PAX5: variants seen among roughly 807,000 people sequenced by gnomAD.
PAX5 encodes the protein paired box protein Pax-5.
A neutral mutation model predicts 43.7 loss-of-function variants in PAX5; 9 were observed. The ratio of observed to expected loss-of-function variants is 0.21; its 90% CI spans 0.12 to 0.36. PAX5 has a LOEUF of 0.36. Among genes scored for constraint, PAX5 ranks in the 10% least tolerant of loss-of-function variants. The pLI is 1.00. For synonymous variants in PAX5, 228 were observed against 214.3 expected (o/e 1.06, Z -0.56); for missense variants, 383 against 532.7 (o/e 0.72, Z 2.77).
At chr9:37,031,865 TGAAGG>T in intron 1 of PAX5, among the ~76,000 whole-genome samples, 1 of 152,292 alleles carries the variant, frequency 6.6e-6, no homozygotes, top group East Asian at 1.9e-4. Context: ...AATATGGTTC[TGAAGG>T]AAGAAAAAGG....
intron 6 of PAX5, among the ~76,000 whole-genome samples, chr9:36,941,396 G>A (rs1832033676): frequency 6.6e-6 from 1 of 152,224 alleles, no homozygotes; most frequent in African/African-American, 2.4e-5. Flanking sequence ...CCAAATACAA[G>A]CTCTGCCTCT....
chr9:36,928,568 T>G (rs796521464), intron 6 of PAX5, among the ~76,000 whole-genome samples: 1 of 152,156 alleles, frequency 6.6e-6, no homozygotes, highest in East Asian at 1.9e-4. Context: ...AATGAATGAA[T>G]GAATAATGGT....
chr9:37,012,766 G>A (rs76753872), intron 3 of PAX5, among the ~76,000 whole-genome samples: 4,048 of 152,216 alleles, frequency 0.027, 54 homozygotes, highest in Middle Eastern at 0.044. Context: ...GTGTTGAGGG[G>A]GAGTTCACAA....
intron 6 of PAX5, among the ~76,000 whole-genome samples, chr9:36,944,661 C>G (rs1266502112): frequency 6.6e-6 from 1 of 152,122 alleles, no homozygotes; most frequent in African/African-American, 2.4e-5. Flanking sequence ...CAAAACCCCC[C>G]TAAAGAGCAA....
chr9:36,952,258 G>C (rs1165024304), intron 6 of PAX5, among the ~76,000 whole-genome samples: 1 of 7,354 alleles, frequency 1.4e-4, no homozygotes, highest in Non-Finnish European at 3.4e-4. Context: ...TTTTTTTTTT[G>C]AGACAGAGTC....
At chr9:36,864,834 C>T (rs1824693352) in intron 8 of PAX5, among the ~76,000 whole-genome samples, 1 of 152,154 alleles carries the variant, frequency 6.6e-6, no homozygotes, top group Admixed American at 6.5e-5. Flanking sequence ...GGGCCGGCGC[C>T]GGAGCCGGGC....
Position 36,966,922 on chromosome 9 carries a change from C to G in PAX5, c.605-198G>C, listed in dbSNP as rs142146224. Among the ~76,000 whole-genome samples, 266 of 152,318 alleles carry G rather than the reference C, an allele frequency of 1.7e-3. 1 individual carries two copies. The highest frequency in any genetic ancestry group is 5.9e-3 in the African/African-American group (246 of 41,568). The stretch of plus-strand genomic sequence containing the variant: ...TAAGTTCAGAGTCAGCCTCCCGCAG[C>G]CATGTGCCAGGGACTGTGCAAAGCC... On this transcript the variant is annotated intron_variant, in intron 5 of 9. Coordinates refer to ENST00000358127, the MANE Select transcript of PAX5 (RefSeq NM_016734.3).
intron 1 of PAX5, among the ~76,000 whole-genome samples, chr9:37,029,532 C>G (rs186306264): frequency 1.3e-5 from 2 of 152,230 alleles, no homozygotes; most frequent in Non-Finnish European, 2.9e-5. Context: ...CCTTTCACCC[C>G]CGGCCTTGGA....
At position 36,914,187 on chromosome 9, in the gene PAX5, G is replaced by A. The variant is rs571375954; in HGVS notation, c.910+9168C>T. 8.5e-5 allele frequency among the ~76,000 whole-genome samples: 13 copies of A among 152,332 alleles called. No individual in the cohort carries two copies. In the South Asian group the frequency reaches 1.5e-3, roughly 17 times the overall value. On this transcript the variant is annotated intron_variant, in intron 7 of 9. Coordinates refer to ENST00000358127, the MANE Select transcript of PAX5 (RefSeq NM_016734.3). ...CCTGTCCTGCCAAACATTCAGGTAC[G>A]TGAGAAATCCGTTTACAAGTATTTG...
chr9:36,958,365 A>G (rs1833673371), intron 6 of PAX5, among the ~76,000 whole-genome samples: 1 of 152,060 alleles, frequency 6.6e-6, no homozygotes, highest in Non-Finnish European at 1.5e-5. Context: ...GAAGAACACA[A>G]CTGATTGCAT....
chr9:36,951,910 C>T (rs1475626901), intron 6 of PAX5, among the ~76,000 whole-genome samples: 2 of 152,178 alleles, frequency 1.3e-5, no homozygotes, highest in Non-Finnish European at 2.9e-5. Flanking sequence ...TGACCTAACA[C>T]AGCCTAACGT....
intron 8 of PAX5, among the ~76,000 whole-genome samples, chr9:36,875,502 TA>T (rs1287103240): frequency 2.0e-5 from 3 of 152,272 alleles, no homozygotes; most frequent in African/African-American, 7.2e-5. Flanking sequence ...AGAGGAATGA[TA>T]GGGGGTCCTG....
intron 7 of PAX5, among the ~76,000 whole-genome samples, chr9:36,890,579 G>A (rs1184554607): frequency 6.6e-6 from 1 of 152,212 alleles, no homozygotes; most frequent in African/African-American, 2.4e-5. Flanking sequence ...TACTCAAGCA[G>A]TGGGAACAGA....
chr9:36,978,469 A>T (rs572155528), intron 5 of PAX5, among the ~76,000 whole-genome samples: 2 of 152,008 alleles, frequency 1.3e-5, no homozygotes, highest in Non-Finnish European at 2.9e-5. Flanking sequence ...GCCTTCATGC[A>T]CACAGCAGTC....
chr9:36,969,336 A>G lies in PAX5; in HGVS notation c.605-2612T>C, dbSNP rs962252392. Among the ~76,000 whole-genome samples, 4 of 152,088 alleles carry G rather than the reference A, an allele frequency of 2.6e-5. No individual in the cohort carries two copies. In the South Asian group the frequency reaches 8.3e-4, roughly 31 times the overall value. On this transcript the variant is annotated intron_variant, in intron 5 of 9. Coordinates refer to ENST00000358127, the MANE Select transcript of PAX5 (RefSeq NM_016734.3). ...CTTCAGCCAGCCAGGCCATCCTCCC[A>G]GAGGAGTCCTCAGGCTTGATCCCTC...
intron 5 of PAX5, among the ~76,000 whole-genome samples, chr9:36,973,134 GAAAA>G: frequency 1.2e-5 from 1 of 84,320 alleles, no homozygotes; most frequent in African/African-American, 6.0e-5. Flanking sequence ...GGAAAGGAAA[GAAAA>G]GGAAAGGAAA....
At chr9:36,852,710 T>C (rs1435764874) in intron 8 of PAX5, among the ~76,000 whole-genome samples, 1 of 152,238 alleles carries the variant, frequency 6.6e-6, no homozygotes, top group Non-Finnish European at 1.5e-5. Context: ...TCTTCCTCCC[T>C]TCACGCAACA....
chr9:37,033,599 T>TACACAC (rs56039556), intron 1 of PAX5, among the ~76,000 whole-genome samples: 14,674 of 149,174 alleles, frequency 0.098, 829 homozygotes, highest in South Asian at 0.14. Context: ...AGTATAAAGA[T>TACACAC]ACACACACAC....
At chr9:36,874,304 G>T (rs1358674192) in intron 8 of PAX5, among the ~76,000 whole-genome samples, 1 of 152,176 alleles carries the variant, frequency 6.6e-6, no homozygotes, top group African/African-American at 2.4e-5. Context: ...GCATATTTCT[G>T]TCTGGACTGG....
Sources: gnomAD v4.1 joint callset for allele counts (sites outside exome capture counted in the v4.1 genomes callset) on GRCh38, gnomAD v4.1.1 for gene constraint, MANE v1.5 for transcripts, NCBI Gene and HGNC (gene_info 2026-07-23, HGNC 2026-07-21) for gene names.